The following VWA8 variants were observed in gnomAD, a reference collection of about 807,000 sequenced individuals.
The protein encoded by VWA8 is von Willebrand factor A domain containing 8, also known as von Willebrand factor A domain-containing protein 8.
A neutral mutation model predicts 241.5 loss-of-function variants in VWA8; 221 were observed. The observed-to-expected ratio is 0.91, with a 90% CI of 0.82 to 1.02. VWA8 has a LOEUF of 1.02. VWA8 is among the 50% of genes least tolerant of loss of function. The probability of loss-of-function intolerance (pLI) is 0.00; values close to 1 mark genes in which losing one functional copy is unlikely to be tolerated. For missense variants in VWA8, 2,322 were observed against 2,328.7 expected, an observed-to-expected ratio of 1.00 and a Z score of 0.06; for synonymous variants, 852 against 827.1, an observed-to-expected ratio of 1.03 and a Z score of -0.52.
At chr13:41,727,588 T>C (rs1400276983) in intron 23 of VWA8, among the ~76,000 whole-genome samples, 1 of 152,064 alleles carries the variant, frequency 6.6e-6, no homozygotes, top group African/African-American at 2.4e-5. Context: ...TGTCCAAATG[T>C]AGACTTACAG....
chr13:41,712,758 T>G (rs771182836), intron 26 of VWA8, among the ~76,000 whole-genome samples: 2 of 152,156 alleles, frequency 1.3e-5, no homozygotes, highest in Non-Finnish European at 2.9e-5. Context: ...CGTTTTTTAA[T>G]CTGTAAAACA....
intron 4 of VWA8, among the ~76,000 whole-genome samples, chr13:41,906,436 A>G (rs1875722865): frequency 6.6e-6 from 1 of 152,142 alleles, no homozygotes; most frequent in Admixed American, 6.5e-5. Flanking sequence ...TCTTCTTTTT[A>G]CCACAAATGG....
At chr13:41,945,463 C>T (rs1877807231) in intron 2 of VWA8, among the ~76,000 whole-genome samples, 1 of 152,042 alleles carries the variant, frequency 6.6e-6, no homozygotes, top group African/African-American at 2.4e-5. Flanking sequence ...AGACATTTGA[C>T]TAAGTAGAAA....
Position 41,590,759 on chromosome 13 carries a change from CT to C in VWA8, c.4992del (p.Gly1665ValfsTer7), listed in dbSNP as rs2044449418. The C allele has an allele frequency of 6.2e-7, 1 of 1,613,836 alleles. No individual in the cohort carries two copies. The highest frequency in any genetic ancestry group is 1.6e-4 in the Middle Eastern group (1 of 6,062). On this transcript the variant is annotated frameshift_variant, in exon 41 of 45. Transcript: ENST00000379310. LOFTEE classifies it high-confidence loss of function. ...LRIILDNLQAKGKERQWLRHQ... is the reference protein window; with the variant it reads ...LRIILDNLQAXGKERQWLRHQ... ...TGTCTTAGCCATTGTCTTTCTTTAC[CT>C]TTAGCCTACAAAAGACACACATACA...
rs530686341 is a variant in VWA8 at position 41,675,411 on chromosome 13, A to C, written c.4328-115T>G. The C allele has an allele frequency of 5.9e-6, 4 of 679,168 alleles. No individual in the cohort carries two copies. The South Asian group carries it at 7.6e-5, about 13-fold the overall frequency. 42.1% of individuals were successfully genotyped at this position (679,168 alleles called of 1,614,324 possible). On this transcript the variant is annotated intron_variant, in intron 35 of 44. Transcript: ENST00000379310. ...AGGGTAGAACGCTGGGATCTACTTG[A>C]CAAGGTACTGGGTCAACCCTCATGG...
At chr13:41,648,402 T>C (rs2044846615) in intron 37 of VWA8, among the ~76,000 whole-genome samples, 1 of 152,182 alleles carries the variant, frequency 6.6e-6, no homozygotes, top group Admixed American at 6.5e-5. Flanking sequence ...TTGACATTAC[T>C]TGGGAGGTGG....
At chr13:41,641,578 T>G (rs1326123383) in intron 37 of VWA8, among the ~76,000 whole-genome samples, 1 of 152,090 alleles carries the variant, frequency 6.6e-6, no homozygotes, top group Non-Finnish European at 1.5e-5. Flanking sequence ...GGCAAAGAGT[T>G]ATTATAATGT....
intron 43 of VWA8, among the ~76,000 whole-genome samples, chr13:41,572,033 G>A (rs938628268): frequency 2.0e-5 from 3 of 151,984 alleles, no homozygotes; most frequent in Non-Finnish European, 4.4e-5. Flanking sequence ...GTCTCTGCCC[G>A]ACCACCACCC....
chr13:41,776,236 G>A (rs896411714), intron 20 of VWA8, among the ~76,000 whole-genome samples: 1 of 152,150 alleles, frequency 6.6e-6, no homozygotes, highest in African/African-American at 2.4e-5. Flanking sequence ...TCAGGTGATG[G>A]CAGAAGTTCT....
rs146920207 is a variant in VWA8, at chr13:41,891,137, A to G, written c.651+283T>C. Among the ~76,000 whole-genome samples the G allele has an allele frequency of 5.3e-5, 8 of 152,096 alleles. No individual in the cohort carries two copies. In the South Asian group the frequency reaches 8.3e-4, roughly 16 times the overall value. ...GGGGGAAAAAAGGAGATGGGAAAAG[A>G]GGAAGAAAGAGAAGAAGAAAAAATA... On this transcript the variant is annotated intron_variant, in intron 5 of 44. Transcript: ENST00000379310.
chr13:41,694,693 T>C (rs2045203733), intron 29 of VWA8, among the ~76,000 whole-genome samples: 1 of 152,096 alleles, frequency 6.6e-6, no homozygotes, highest in African/African-American at 2.4e-5. Flanking sequence ...CTTAAGCAAT[T>C]TGGGATAATA....
At chr13:41,580,760 G>A (rs1412160645) in intron 42 of VWA8, among the ~76,000 whole-genome samples, 2 of 152,198 alleles carry the variant, frequency 1.3e-5, no homozygotes, top group Non-Finnish European at 2.9e-5. Flanking sequence ...GCACTGTAAC[G>A]GTGTGACCTT....
chr13:41,791,123 T>A (rs189266739), intron 17 of VWA8, among the ~76,000 whole-genome samples: 1,818 of 148,416 alleles, frequency 0.012, 40 homozygotes, highest in African/African-American at 0.039. Flanking sequence ...AGTTTTTTTT[T>A]TAAAAAAACA....
At position 41,673,017 on chromosome 13, in the gene VWA8, A is replaced by T. The variant is rs942642533; in HGVS notation, c.4410-1870T>A. ...TACAGGCAATTTCTTTAATTTATTT[A>T]AAAAAAATTACTGAAGAAATTACAT... On this transcript the variant is annotated intron_variant, in intron 36 of 44. Coordinates refer to ENST00000379310, the MANE Select transcript of VWA8 (RefSeq NM_015058.2). 7.9e-5 allele frequency among the ~76,000 whole-genome samples: 12 copies of T among 151,826 alleles called. 1 individual carries two copies. Among genetic ancestry groups the T allele is most frequent in the African/African-American group, 1.7e-4 (7 of 41,240 alleles).
intron 17 of VWA8, among the ~76,000 whole-genome samples, chr13:41,803,637 T>C (rs1341959235): frequency 6.6e-6 from 1 of 152,164 alleles, no homozygotes; most frequent in Non-Finnish European, 1.5e-5. Context: ...TGATTAATTA[T>C]CTCCTACCAG....
At chr13:41,590,491 T>G in intron 41 of VWA8, 149 bp downstream of exon 41, 1 of 939,584 alleles carries the variant, frequency 1.1e-6, no homozygotes, top group Non-Finnish European at 1.5e-6. Flanking sequence ...TTTTTCTTCT[T>G]CTTCTTCTTT....
At chr13:41,836,567 G>A (rs1871740178) in intron 12 of VWA8, among the ~76,000 whole-genome samples, 1 of 152,028 alleles carries the variant, frequency 6.6e-6, no homozygotes, top group African/African-American at 2.4e-5. Flanking sequence ...CAACATATCT[G>A]AATCACCATT....
At chr13:41,701,350 A>T (rs1224283821) in intron 28 of VWA8, 42 bp downstream of exon 28, 6 of 1,483,028 alleles carry the variant, frequency 4.0e-6, no homozygotes, top group Non-Finnish European at 8.9e-7. Context: ...TTTTAAAAAA[A>T]CATGTGCAGG....
chr13:41,628,686 T>A (rs1298860427), intron 37 of VWA8, among the ~76,000 whole-genome samples: 1 of 152,096 alleles, frequency 6.6e-6, no homozygotes, highest in Non-Finnish European at 1.5e-5. Flanking sequence ...GAACAGAAAG[T>A]CAAATAGTGC....
Sources: gnomAD v4.1 joint callset for allele counts (sites outside exome capture counted in the v4.1 genomes callset) on GRCh38, gnomAD v4.1.1 for gene constraint, MANE v1.5 for transcripts, NCBI Gene and HGNC (gene_info 2026-07-23, HGNC 2026-07-21) for gene names.